The following SIPA1L1 variants were observed in gnomAD, a reference collection of about 807,000 sequenced individuals.
SIPA1L1 encodes signal induced proliferation associated 1 like 1, also known as signal-induced proliferation-associated 1-like protein 1.
A neutral mutation model predicts 162.7 loss-of-function variants in SIPA1L1; 26 were observed. The ratio of observed to expected loss-of-function variants is 0.16; its 90% CI spans 0.12 to 0.22. The LOEUF (loss-of-function observed/expected upper bound fraction) is 0.22, where lower values mean the gene tolerates loss of function less well. SIPA1L1 is among the 10% of genes least tolerant of loss of function. The probability of loss-of-function intolerance (pLI) is 1.00; values close to 1 mark genes in which losing one functional copy is unlikely to be tolerated. For missense variants in SIPA1L1, 1,874 were observed against 2,241.0 expected (o/e 0.84, Z 3.31); for synonymous variants, 829 against 837.4 (o/e 0.99, Z 0.17).
chr14:71,384,859 T>G (rs1052180894), intron 2 of SIPA1L1, among the ~76,000 whole-genome samples: 2 of 152,232 alleles, frequency 1.3e-5, no homozygotes, highest in African/African-American at 4.8e-5. Flanking sequence ...CGGTAGGGAC[T>G]TTCAGCATTG....
intron 2 of SIPA1L1, among the ~76,000 whole-genome samples, chr14:71,393,596 C>T (rs1406819335): frequency 1.3e-5 from 2 of 152,108 alleles, no homozygotes; most frequent in Admixed American, 6.5e-5. Flanking sequence ...TCAGATGAGG[C>T]AAGACGTTCA....
At chr14:71,334,467 C>T (rs2034881399) in intron 2 of SIPA1L1, among the ~76,000 whole-genome samples, 1 of 152,102 alleles carries the variant, frequency 6.6e-6, no homozygotes, top group Non-Finnish European at 1.5e-5. Flanking sequence ...TGGGCAGCTT[C>T]TGGGAGAACT....
At chr14:71,556,256 T>C (rs2056342326) in intron 4 of SIPA1L1, among the ~76,000 whole-genome samples, 1 of 152,242 alleles carries the variant, frequency 6.6e-6, no homozygotes, top group Admixed American at 6.5e-5. Context: ...TCTCAAACCG[T>C]GTCTTTCCTC....
At chr14:71,633,755 A>T (rs12147154) in intron 7 of SIPA1L1, among the ~76,000 whole-genome samples, 24,095 of 152,154 alleles carry the variant, frequency 0.16, 2,029 homozygotes, top group East Asian at 0.28. Context: ...GTGAACTTGA[A>T]GATAAAACAA....
intron 12 of SIPA1L1, among the ~76,000 whole-genome samples, chr14:71,674,162 G>A (rs769984568): frequency 6.6e-6 from 1 of 152,160 alleles, no homozygotes; most frequent in Non-Finnish European, 1.5e-5. Context: ...TCTAAGGACC[G>A]TCTACTGAAA....
intron 19 of SIPA1L1, 82 bp from the exon 20 acceptor site, chr14:71,729,973 G>A: frequency 6.7e-7 from 1 of 1,500,154 alleles, no homozygotes; most frequent in South Asian, 1.3e-5. Context: ...CAGTAACTTG[G>A]TTATCCCACC....
At chr14:71,622,082 T>A (rs982044426) in intron 6 of SIPA1L1, among the ~76,000 whole-genome samples, 1 of 152,186 alleles carries the variant, frequency 6.6e-6, no homozygotes, top group Non-Finnish European at 1.5e-5. Flanking sequence ...AAGACTTAAT[T>A]TGTATCAGGG....
intron 4 of SIPA1L1, among the ~76,000 whole-genome samples, chr14:71,572,997 T>G (rs2032363717): frequency 6.6e-6 from 1 of 152,206 alleles, no homozygotes; most frequent in African/African-American, 2.4e-5. Flanking sequence ...ACAACAGGAC[T>G]TCAACATTTA....
chr14:71,723,658 C>T lies in SIPA1L1; in HGVS notation c.4220C>T (p.Ser1407Phe). The T allele has an allele frequency of 6.2e-7, 1 of 1,614,188 alleles. No individual in the cohort carries two copies. Among genetic ancestry groups the T allele is most frequent in the Non-Finnish European group, 8.5e-7 (1 of 1,180,032 alleles). ...CTGCTTCTCCTCAGTACCATGAGCT[C>T]CCGACACTCTGCCAGCCCAGTGGTT... is the stretch of plus-strand genomic sequence containing the variant. ...DAASHTSTMS[S>F]RHSASPVVFT... is the part of the protein sequence containing the mutation. The change falls in exon 18 of 24, where the codon TCC becomes TTC. Residue 1407 changes from serine (S) to phenylalanine (F), a missense_variant. Coordinates refer to ENST00000381232, the MANE Select transcript of SIPA1L1 (RefSeq NM_001386936.1).
At chr14:71,638,911 A>G (rs2041429413) in intron 7 of SIPA1L1, among the ~76,000 whole-genome samples, 1 of 152,160 alleles carries the variant, frequency 6.6e-6, no homozygotes, top group Admixed American at 6.5e-5. Flanking sequence ...AACAAACAAA[A>G]CTTGGAGCCA....
intron 5 of SIPA1L1, among the ~76,000 whole-genome samples, chr14:71,593,230 G>T (rs2035619689): frequency 1.4e-5 from 2 of 142,516 alleles, no homozygotes; most frequent in South Asian, 4.5e-4. Flanking sequence ...TTTATTTATT[G>T]AGACAGAGTC....
At chr14:71,677,044 A>G (rs2045279545) in intron 12 of SIPA1L1, among the ~76,000 whole-genome samples, 1 of 152,190 alleles carries the variant, frequency 6.6e-6, no homozygotes, top group African/African-American at 2.4e-5. Flanking sequence ...TTGAGGAACC[A>G]CCACACTGAC....
Position 71,421,629 on chromosome 14 carries a change from T to C in SIPA1L1, c.-464-91114T>C, listed in dbSNP as rs201024795. Among the ~76,000 whole-genome samples, 7 of 152,144 alleles carry C rather than the reference T, an allele frequency of 4.6e-5. No individual in the cohort carries two copies. In the East Asian group the frequency reaches 1.4e-3, roughly 29 times the overall value. On this transcript the variant is annotated intron_variant, in intron 2 of 23. Coordinates refer to ENST00000381232, the MANE Select transcript of SIPA1L1 (RefSeq NM_001386936.1). ...TTATAAAATAAAATAATAAAATAGGTAAAGCTTACATTAATGATATATATT... is the reference window on the plus strand; with the variant it reads ...TTATAAAATAAAATAATAAAATAGGCAAAGCTTACATTAATGATATATATT...
intron 2 of SIPA1L1, among the ~76,000 whole-genome samples, chr14:71,425,113 C>T (rs1366428766): frequency 1.3e-5 from 2 of 151,984 alleles, no homozygotes; most frequent in Non-Finnish European, 2.9e-5. Flanking sequence ...TCCCCACTTT[C>T]ATTTTTGATT....
At chr14:71,395,472 G>T (rs892478233) in intron 2 of SIPA1L1, among the ~76,000 whole-genome samples, 3 of 152,160 alleles carry the variant, frequency 2.0e-5, no homozygotes, top group African/African-American at 7.2e-5. Flanking sequence ...ACCAGCCAGG[G>T]CAACATAGCA....
At chr14:71,373,520 G>A (rs150956531) in intron 2 of SIPA1L1, among the ~76,000 whole-genome samples, 3,259 of 151,340 alleles carry the variant, frequency 0.022, 123 homozygotes, top group African/African-American at 0.075. Context: ...AGCTACCCGG[G>A]AGGCTGAGGT....
chr14:71,716,821 G>A (rs563667539), intron 17 of SIPA1L1, among the ~76,000 whole-genome samples: 3 of 152,202 alleles, frequency 2.0e-5, no homozygotes, highest in Non-Finnish European at 2.9e-5. Flanking sequence ...TGCTGTACAC[G>A]TGATCCATGG....
At chr14:71,508,438 G>A (rs146602398) in intron 2 of SIPA1L1, among the ~76,000 whole-genome samples, 2 of 152,278 alleles carry the variant, frequency 1.3e-5, no homozygotes, top group Non-Finnish European at 2.9e-5. Context: ...TTGGAAAAGG[G>A]ATCTGGGTCA....
intron 2 of SIPA1L1, among the ~76,000 whole-genome samples, chr14:71,457,196 AC>A (rs764531161): frequency 3.3e-5 from 5 of 151,716 alleles, no homozygotes; most frequent in Non-Finnish European, 7.4e-5. Context: ...CTAGCTAGCA[AC>A]CCTCCATTCT....
Sources: allele counts gnomAD v4.1 joint callset (sites outside exome capture counted in the v4.1 genomes callset), GRCh38; gene constraint gnomAD v4.1.1; transcripts MANE v1.5; gene names NCBI Gene and HGNC (gene_info 2026-07-23, HGNC 2026-07-21).